The following SUGCT variants were observed in gnomAD, a reference collection of about 807,000 sequenced individuals.
SUGCT encodes succinyl-CoA:glutarate-CoA transferase.
A neutral mutation model predicts 55.0 loss-of-function variants in SUGCT; 41 were observed. The ratio of observed to expected loss-of-function variants is 0.74; its 90% CI spans 0.58 to 0.97. The LOEUF is 0.97. Ranked by LOEUF, SUGCT falls within the 50% of genes least tolerant of loss-of-function variation. The pLI, the probability that SUGCT is intolerant of heterozygous loss-of-function variation, is 0.00. For synonymous variants in SUGCT, 187 were observed against 200.4 expected, an observed-to-expected ratio of 0.93 and a Z score of 0.56; for missense variants, 568 against 547.8, an observed-to-expected ratio of 1.04 and a Z score of -0.37.
At chr7:40,502,572 T>C (rs557041557) in intron 12 of SUGCT, among the ~76,000 whole-genome samples, 1 of 152,098 alleles carries the variant, frequency 6.6e-6, no homozygotes, top group Non-Finnish European at 1.5e-5. Context: ...ATTCAAAATA[T>C]AAATGCAATT....
chr7:40,475,202 A>G (rs1790596690), intron 11 of SUGCT, among the ~76,000 whole-genome samples: 1 of 152,196 alleles, frequency 6.6e-6, no homozygotes, highest in Non-Finnish European at 1.5e-5. Context: ...TTAAACCAAC[A>G]TGATTGCTGT....
chr7:40,444,935 C>T (rs368329584), intron 9 of SUGCT, among the ~76,000 whole-genome samples: 10 of 152,134 alleles, frequency 6.6e-5, no homozygotes, highest in Admixed American at 2.0e-4. Flanking sequence ...TAGCATGAAG[C>T]GCTGTTGAAT....
intron 12 of SUGCT, among the ~76,000 whole-genome samples, chr7:40,653,157 T>C (rs1171038245): frequency 2.6e-5 from 4 of 152,238 alleles, no homozygotes; most frequent in Non-Finnish European, 5.9e-5. Context: ...TTACTTTTAC[T>C]TGACCATGGC....
chr7:40,839,360 A>G (rs1793160724), intron 13 of SUGCT, among the ~76,000 whole-genome samples: 1 of 152,072 alleles, frequency 6.6e-6, no homozygotes, highest in African/African-American at 2.4e-5. Context: ...TTCCCACCTT[A>G]GCCTCCCAAG....
intron 7 of SUGCT, among the ~76,000 whole-genome samples, chr7:40,249,115 G>A (rs914594774): frequency 6.6e-6 from 1 of 151,144 alleles, no homozygotes; most frequent in Non-Finnish European, 1.5e-5. Flanking sequence ...AAATAGGAAA[G>A]CCCTGTCTCT....
intron 1 of SUGCT, among the ~76,000 whole-genome samples, chr7:40,145,835 T>A (rs2150589320): frequency 6.6e-6 from 1 of 152,308 alleles, no homozygotes; most frequent in Non-Finnish European, 1.5e-5. Flanking sequence ...TTTTCCTAAC[T>A]CGCTTCTGTT....
intron 8 of SUGCT, among the ~76,000 whole-genome samples, chr7:40,282,615 T>C (rs1186846451): frequency 6.6e-6 from 1 of 152,076 alleles, no homozygotes; most frequent in Non-Finnish European, 1.5e-5. Flanking sequence ...AAGGGGCCAG[T>C]GCAGTGGCCT....
At chr7:40,986,345 A>G in the SUGCT span, among the ~76,000 whole-genome samples, 1 of 152,150 alleles carries the variant, frequency 6.6e-6, no homozygotes, top group African/African-American at 2.4e-5. Flanking sequence ...GAGCTGTTCT[A>G]TTTCTTGTAC....
chr7:40,780,772 CTTCT>C (rs1215636425), intron 13 of SUGCT, among the ~76,000 whole-genome samples: 109 of 123,014 alleles, frequency 8.9e-4, no homozygotes, highest in African/African-American at 2.7e-3. Flanking sequence ...TCTTCTTCTT[CTTCT>C]TTTTTTTTTT....
In SUGCT at chr7:40,792,597, T is replaced by C. The variant is rs186088688; in HGVS notation, c.1153+43100T>C. ...ATCTGGTCCATGTGACAATGGTTTC[T>C]GATGCAAACAAAGTCTCTTCTTGAA... On this transcript the variant is annotated intron_variant, in intron 13 of 13. Transcript: ENST00000335693. Among the ~76,000 whole-genome samples the C allele has an allele frequency of 1.9e-3, 288 of 152,288 alleles. 2 individuals are homozygous for C. The highest frequency in any genetic ancestry group is 6.8e-3 in the Middle Eastern group (2 of 294).
At chr7:40,370,794 A>C (rs1009154102) in intron 9 of SUGCT, among the ~76,000 whole-genome samples, 1 of 152,268 alleles carries the variant, frequency 6.6e-6, no homozygotes, top group East Asian at 1.9e-4. Flanking sequence ...TCTTAGTAAG[A>C]AAAAAGTATT....
chr7:40,876,071 G>C, the SUGCT span, among the ~76,000 whole-genome samples: 40 of 152,174 alleles, frequency 2.6e-4, no homozygotes, highest in Middle Eastern at 3.2e-3. Context: ...TGTGCTGAAG[G>C]CTGCTTTTCT....
At chr7:40,943,410 C>A in the SUGCT span, among the ~76,000 whole-genome samples, 3 of 141,070 alleles carry the variant, frequency 2.1e-5, no homozygotes, top group Admixed American at 7.1e-5. Flanking sequence ...AGGTATATCT[C>A]CTAATGCTAT....
chr7:40,669,373 C>T (rs1384080788), intron 12 of SUGCT, among the ~76,000 whole-genome samples: 1 of 144,902 alleles, frequency 6.9e-6, no homozygotes, highest in Non-Finnish European at 1.5e-5. Context: ...AAAAAAATTA[C>T]TCATCCAACC....
At chr7:40,772,536 A>G in intron 13 of SUGCT, among the ~76,000 whole-genome samples, 6 of 150,658 alleles carry the variant, frequency 4.0e-5, no homozygotes, top group African/African-American at 1.2e-4. Flanking sequence ...CTATCTATCT[A>G]TCTATCTATC....
intron 9 of SUGCT, among the ~76,000 whole-genome samples, chr7:40,385,565 C>G (rs1785077681): frequency 6.6e-6 from 1 of 152,128 alleles, no homozygotes; most frequent in African/African-American, 2.4e-5. Context: ...GATCCCTGTC[C>G]TTAGGCAAGA....
intron 1 of SUGCT, among the ~76,000 whole-genome samples, chr7:40,146,329 A>G (rs1788243508): frequency 6.6e-6 from 1 of 152,174 alleles, no homozygotes; most frequent in Non-Finnish European, 1.5e-5. Context: ...GCCCTTGTTT[A>G]CAGTGACAAC....
chr7:40,625,941 C>T (rs1799507192), intron 12 of SUGCT, among the ~76,000 whole-genome samples: 1 of 152,150 alleles, frequency 6.6e-6, no homozygotes, highest in African/African-American at 2.4e-5. Flanking sequence ...AAGCACTTCA[C>T]ATTCTTTATT....
chr7:40,196,229 A>G (rs1786283052), intron 6 of SUGCT, among the ~76,000 whole-genome samples: 1 of 152,220 alleles, frequency 6.6e-6, no homozygotes. Flanking sequence ...CTATATAAGT[A>G]CTTAACTCTT....
Sources: gnomAD v4.1 joint callset for allele counts (sites outside exome capture counted in the v4.1 genomes callset) on GRCh38, gnomAD v4.1.1 for gene constraint, MANE v1.5 for transcripts, NCBI Gene and HGNC (gene_info 2026-07-23, HGNC 2026-07-21) for gene names.